Variants in BIRC6 observed in about 807,000 individuals in gnomAD.
BIRC6 encodes dual E2 ubiquitin-conjugating enzyme/E3 ubiquitin-protein ligase BIRC6.
In BIRC6, 98 loss-of-function variants were observed where a neutral mutation model predicts 503.3. That is an observed-to-expected ratio of 0.19 (90% CI 0.17 to 0.23). BIRC6 has a LOEUF of 0.23. Ranked by LOEUF, BIRC6 falls within the 10% of genes least tolerant of loss-of-function variation. The probability of loss-of-function intolerance (pLI) is 1.00; values close to 1 mark genes in which losing one functional copy is unlikely to be tolerated. For missense variants in BIRC6, 5,360 were observed against 5,806.0 expected, an observed-to-expected ratio of 0.92 and a Z score of 2.50; for synonymous variants, 2,240 against 2,078.7, an observed-to-expected ratio of 1.08 and a Z score of -2.11.
intron 1 of BIRC6, among the ~76,000 whole-genome samples, chr2:32,367,019 T>C (rs1463012461): frequency 6.6e-6 from 1 of 152,156 alleles, no homozygotes; most frequent in African/African-American, 2.4e-5. Context: ...TGTAGAACTG[T>C]AGCACTTCAA....
intron 23 of BIRC6, among the ~76,000 whole-genome samples, chr2:32,462,021 G>A (rs529544563): frequency 6.6e-6 from 1 of 151,480 alleles, no homozygotes; most frequent in Admixed American, 6.6e-5. Flanking sequence ...ATTTCTCTGA[G>A]CCTTCTTTAC....
intron 11 of BIRC6, among the ~76,000 whole-genome samples, chr2:32,430,370 AAAC>A (rs2043960216): frequency 6.6e-6 from 1 of 152,220 alleles, no homozygotes; most frequent in African/African-American, 2.4e-5. Flanking sequence ...GAAATAGAAA[AAAC>A]AATTTAATTT....
chr2:32,391,566 T>C (rs1001194869), intron 4 of BIRC6, among the ~76,000 whole-genome samples: 5 of 152,194 alleles, frequency 3.3e-5, no homozygotes, highest in African/African-American at 1.2e-4. Flanking sequence ...GGGAAGAATT[T>C]AGAAGAGTAT....
intron 73 of BIRC6, among the ~76,000 whole-genome samples, chr2:32,616,091 A>T (rs2063216810): frequency 6.6e-6 from 1 of 152,250 alleles, no homozygotes; most frequent in Non-Finnish European, 1.5e-5. Flanking sequence ...AGCAAAGTTT[A>T]TTTAATCTCT....
At position 32,518,827 on chromosome 2, in the gene BIRC6, G is replaced by T; in HGVS notation, c.11504G>T (p.Gly3835Val). The change falls in exon 57 of 74, where the codon GGT (glycine) becomes GTT (valine). Residue 3835 changes from glycine (G) to valine (V), a missense_variant. Around this residue, in one of 16 missense-constraint regions of BIRC6, gnomAD observed 878 missense variants for 928.9 expected, o/e 0.95. Coordinates refer to ENST00000421745, the MANE Select transcript of BIRC6 (RefSeq NM_016252.4). Reference sequence around the variant, plus strand: ...TTTCTTGATTTTCAGCTGTACAAAGGTAGAATTAATGCTACTAGCCACGTC... The same window carrying T: ...TTTCTTGATTTTCAGCTGTACAAAGTTAGAATTAATGCTACTAGCCACGTC... ...FLQSPCPLYK[G>V]RINATSHVIQ... The T allele has an allele frequency of 6.2e-7, 1 of 1,613,040 alleles. No individual in the cohort carries two copies. Among genetic ancestry groups the T allele is most frequent in the Non-Finnish European group, 8.5e-7 (1 of 1,179,206 alleles).
At chr2:32,442,630 A>G (rs2045547782) in intron 19 of BIRC6, among the ~76,000 whole-genome samples, 175 bp downstream of exon 19, 1 of 152,144 alleles carries the variant, frequency 6.6e-6, no homozygotes, top group South Asian at 2.1e-4. Context: ...TTCTTAGGGG[A>G]AAGTGTCATG....
At chr2:32,413,778 T>G (rs176404) in intron 9 of BIRC6, among the ~76,000 whole-genome samples, 28 of 151,832 alleles carry the variant, frequency 1.8e-4, no homozygotes, top group African/African-American at 6.5e-4. Flanking sequence ...TACCAAAACC[T>G]GGATGTGCTC....
intron 23 of BIRC6, among the ~76,000 whole-genome samples, chr2:32,455,154 G>A (rs2047102237): frequency 6.6e-6 from 1 of 151,896 alleles, no homozygotes; most frequent in Non-Finnish European, 1.5e-5. Context: ...CAAGGTGGGC[G>A]GATCATGAGG....
At chr2:32,446,044 C>T (rs985110909) in intron 21 of BIRC6, among the ~76,000 whole-genome samples, 14 of 151,832 alleles carry the variant, frequency 9.2e-5, no homozygotes, top group Admixed American at 2.6e-4. Flanking sequence ...TTAGTAGAGA[C>T]GGGGTTTCTT....
chr2:32,404,469 C>T lies in BIRC6; in HGVS notation c.1419-2030C>T, dbSNP rs138805543. On this transcript the variant is annotated intron_variant, in intron 8 of 73. Coordinates refer to ENST00000421745, the MANE Select transcript of BIRC6 (RefSeq NM_016252.4). ...AGTAGCTGGGACTGACCCGTGCCAC[C>T]ATGCCTGGGTAAATTTTGTATTTTT... Among the ~76,000 whole-genome samples, 243 of 151,832 alleles carry T rather than the reference C, an allele frequency of 1.6e-3. 3 individuals carry two copies. The East Asian group carries it at 0.027, about 17-fold the overall frequency.
intron 8 of BIRC6, among the ~76,000 whole-genome samples, chr2:32,405,806 A>C (rs994274275): frequency 6.6e-6 from 1 of 152,218 alleles, no homozygotes; most frequent in Non-Finnish European, 1.5e-5. Flanking sequence ...GTAATAGAAT[A>C]GTTCTTAATG....
At chr2:32,449,076 C>T (rs1053435392) in intron 22 of BIRC6, 148 bp downstream of exon 22, 18 of 680,270 alleles carry the variant, frequency 2.6e-5, no homozygotes, top group Non-Finnish European at 3.2e-5. Context: ...AAAATGTTTC[C>T]TAGAAGTTCT....
intron 11 of BIRC6, 145 bp downstream of exon 11, chr2:32,429,440 T>G (rs754565409): frequency 7.0e-5 from 43 of 610,494 alleles, no homozygotes; most frequent in Non-Finnish European, 1.0e-4. Context: ...TGAAGTCATC[T>G]AAGAGGTTAA....
intron 37 of BIRC6, among the ~76,000 whole-genome samples, chr2:32,479,950 T>G (rs1020171926): frequency 6.6e-6 from 1 of 152,174 alleles, no homozygotes; most frequent in African/African-American, 2.4e-5. Context: ...GTGATTTTTT[T>G]GGTGTATTTT....
chr2:32,544,281 G>A (rs1431599685), intron 62 of BIRC6, among the ~76,000 whole-genome samples: 1 of 152,000 alleles, frequency 6.6e-6, no homozygotes, highest in Non-Finnish European at 1.5e-5. Context: ...AATGAATCTG[G>A]TAGCAATACT....
At chr2:32,609,834 G>A (rs933910064) in intron 72 of BIRC6, among the ~76,000 whole-genome samples, 1 of 151,654 alleles carries the variant, frequency 6.6e-6, no homozygotes, top group Non-Finnish European at 1.5e-5. Context: ...AGAAGGGGAT[G>A]ACTTTTACAA....
chr2:32,404,064 G>A (rs958625529), intron 8 of BIRC6, among the ~76,000 whole-genome samples: 3 of 151,548 alleles, frequency 2.0e-5, no homozygotes, highest in Admixed American at 6.6e-5. Context: ...GAGTAGCTGG[G>A]ACTACAGGTG....
chr2:32,572,504 A>T (rs2059981394), intron 65 of BIRC6, among the ~76,000 whole-genome samples: 1 of 152,214 alleles, frequency 6.6e-6, no homozygotes, highest in Non-Finnish European at 1.5e-5. Context: ...TTAATAGATA[A>T]TGCCAGTTGG....
At position 32,549,399 on chromosome 2, in the gene BIRC6, T is replaced by C. The variant is rs149447533; in HGVS notation, c.13062T>C (p.Asn4354=). ...SSHETRGQNS[N]ALPSVLLELL... is the part of the protein sequence containing the mutation. Reference sequence around the variant, plus strand: ...ATGAGACTAGAGGGCAGAACAGTAATGCCCTTCCTTCTGTACTTCTCGAGC... The same window carrying C: ...ATGAGACTAGAGGGCAGAACAGTAACGCCCTTCCTTCTGTACTTCTCGAGC... The change falls in exon 65 of 74, where the codon AAT becomes AAC. Residue 4354 remains asparagine, a synonymous_variant. Coordinates refer to ENST00000421745, the MANE Select transcript of BIRC6 (RefSeq NM_016252.4). 89 of 1,521,466 alleles carry C rather than the reference T, an allele frequency of 5.8e-5. 1 individual carries two copies. In the African/African-American group the frequency reaches 9.6e-4, roughly 16 times the overall value. 94.2% of individuals were successfully genotyped at this position (1,521,466 alleles called of 1,614,324 possible).
Sources: gnomAD v4.1 joint callset for allele counts (sites outside exome capture counted in the v4.1 genomes callset) on GRCh38, gnomAD v4.1.1 for gene constraint, gnomAD v4.1.1 regional missense constraint, MANE v1.5 for transcripts, NCBI Gene and HGNC (gene_info 2026-07-23, HGNC 2026-07-21) for gene names.